Variants in DNAH5 observed in about 807,000 individuals in gnomAD.
DNAH5 encodes the protein axonemal beta dynein heavy chain 5.
In DNAH5, 372 loss-of-function variants were observed where a neutral mutation model predicts 518.2. The ratio of observed to expected loss-of-function variants is 0.72; its 90% CI spans 0.66 to 0.78. The LOEUF is 0.78. Among genes scored for constraint, DNAH5 ranks in the 30% least tolerant of loss-of-function variants. The pLI is 0.00. For synonymous variants in DNAH5, 2,039 were observed against 2,025.9 expected, an observed-to-expected ratio of 1.01 and a Z score of -0.17; for missense variants, 5,523 against 5,687.0, an observed-to-expected ratio of 0.97 and a Z score of 0.93.
chr5:13,740,741 A>G (rs1450249908), intron 65 of DNAH5, among the ~76,000 whole-genome samples: 1 of 151,434 alleles, frequency 6.6e-6, no homozygotes, highest in Non-Finnish European at 1.5e-5. Flanking sequence ...CAAATAACTC[A>G]CTCTCTTCCC....
intron 1 of DNAH5, among the ~76,000 whole-genome samples, chr5:13,980,536 C>T (rs1782600694): frequency 6.6e-6 from 1 of 152,122 alleles, no homozygotes; most frequent in Admixed American, 6.5e-5. Context: ...CTCTCATCCC[C>T]CTTCACTTCT....
rs1057517890 is a variant in DNAH5 at position 13,758,850 on chromosome 5, T to G, written c.10415A>C (p.Lys3472Thr). 1 of 1,614,172 alleles carries G rather than the reference T, an allele frequency of 6.2e-7. No homozygotes were observed. The change falls in exon 61 of 79, where the codon AAG becomes ACG. Residue 3472 changes from lysine (K) to threonine (T), a missense_variant. Transcript: ENST00000265104. Reference protein sequence around the residue: ...QAEYEQAMTEKQTLLEDAERC... With the variant: ...QAEYEQAMTETQTLLEDAERC... ...GCCATGACAAAGGGCAGTTACCTGC[T>G]TTTCAGTCATGGCCTGTTCATACTC...
intron 76 of DNAH5, among the ~76,000 whole-genome samples, chr5:13,701,913 T>C (rs1742172494): frequency 6.6e-6 from 1 of 152,194 alleles, no homozygotes; most frequent in South Asian, 2.1e-4. Context: ...TTAAAACAGA[T>C]CCCATGGATA....
At chr5:13,907,655 A>C (rs1775488401) in intron 12 of DNAH5, among the ~76,000 whole-genome samples, 1 of 152,204 alleles carries the variant, frequency 6.6e-6, no homozygotes, top group Non-Finnish European at 1.5e-5. Context: ...TTATACTATT[A>C]TGTAACTATG....
chr5:13,815,908 G>C (rs1248723404), intron 42 of DNAH5, among the ~76,000 whole-genome samples: 1 of 152,208 alleles, frequency 6.6e-6, no homozygotes, highest in East Asian at 1.9e-4. Flanking sequence ...TTCTAGATAA[G>C]TGTGGAGAGA....
rs903000675 is a variant in DNAH5, at chr5:13,892,430, A to G, written c.2432-1309T>C. On this transcript the variant is annotated intron_variant, in intron 16 of 78. Coordinates refer to ENST00000265104, the MANE Select transcript of DNAH5 (RefSeq NM_001369.3). ...AGATTATCTATACTCTCTTAAATGC[A>G]TGATGCAAATGACCACCTGTAAGTA... Among the ~76,000 whole-genome samples the G allele has an allele frequency of 2.0e-5, 3 of 152,346 alleles. 1 individual carries two copies. The highest frequency in any genetic ancestry group is 1.3e-4 in the Admixed American group (2 of 15,300).
In DNAH5 at chr5:13,735,228, G is replaced by C. The variant is rs754874486; in HGVS notation, c.11664C>G (p.Tyr3888Ter). 6.2e-7 allele frequency: 1 copy of C among 1,613,884 alleles called. No homozygotes were observed. The highest frequency in any genetic ancestry group is 1.3e-5 in the African/African-American group (1 of 74,898). ...AGGTGAACAGGAATTTGTGCTCCTC[G>C]TACAGCCCTCGGGCAGCATACTTAT... ...EVYKYAARGL[Y>*]EEHKFLFTLL... Residue 3888 changes from tyrosine to a stop codon, truncating the protein, a stop_gained, in exon 68 of 79, where the codon TAC becomes TAG. Coordinates refer to ENST00000265104, the MANE Select transcript of DNAH5 (RefSeq NM_001369.3). LOFTEE classifies it high-confidence loss of function.
At chr5:13,754,468 C>T in intron 61 of DNAH5, 130 bp from the exon 62 acceptor site, 1 of 1,032,586 alleles carries the variant, frequency 9.7e-7, no homozygotes, top group Non-Finnish European at 1.5e-6. Context: ...TCACAAGAAG[C>T]ATGAGATTCT....
At position 13,776,525 on chromosome 5, in the gene DNAH5, C is replaced by T. The variant is rs1388732051; in HGVS notation, c.9287G>A (p.Arg3096Gln). The T allele has an allele frequency of 2.1e-5, 34 of 1,613,742 alleles. No homozygotes were observed. Among genetic ancestry groups the T allele is most frequent in the Non-Finnish European group, 2.5e-5 (29 of 1,179,856 alleles). The change falls in exon 55 of 79, where the codon CGA becomes CAA. Residue 3096 changes from arginine (R) to glutamine (Q), a missense_variant. Physicochemically the swap from Arg to Gln is conservative, Grantham distance 43. Around this residue, in one of 3 missense-constraint regions of DNAH5, gnomAD observed 5,121 missense variants for 5,223.3 expected, o/e 0.98. Transcript: ENST00000265104. ...GGCAGGGAACTTCAAAGCTCTGTTTCGAAATTTCTCCCCCACTGGCGAGAA... is the reference window on the plus strand; with the variant it reads ...GGCAGGGAACTTCAAAGCTCTGTTTTGAAATTTCTCCCCCACTGGCGAGAA... ...LCFSPVGEKF[R>Q]NRALKFPALI...
In DNAH5 at chr5:13,738,917, G is replaced by A. The variant is rs145067980; in HGVS notation, c.11212-1422C>T. 8.3e-4 allele frequency among the ~76,000 whole-genome samples: 126 copies of A among 152,298 alleles called. 2 individuals are homozygous for A. The East Asian group carries it at 9.3e-3, about 11-fold the overall frequency. Reference sequence around the variant, plus strand: ...AGTTTATTTGAAGAGCTTCCTGGATGTGGAGTCCATTGACAATTTGCCTAT... The same window carrying A: ...AGTTTATTTGAAGAGCTTCCTGGATATGGAGTCCATTGACAATTTGCCTAT... On this transcript the variant is annotated intron_variant, in intron 65 of 78. Transcript: ENST00000265104.
At chr5:13,983,970 C>T (rs114226146) in intron 1 of DNAH5, among the ~76,000 whole-genome samples, 4,574 of 152,144 alleles carry the variant, frequency 0.03, 206 homozygotes, top group African/African-American at 0.1. Flanking sequence ...TTTTCAGTTA[C>T]GTTAGGTGGG....
intron 76 of DNAH5, among the ~76,000 whole-genome samples, chr5:13,703,062 G>A (rs544686907): frequency 6.6e-6 from 1 of 151,980 alleles, no homozygotes; most frequent in South Asian, 2.1e-4. Flanking sequence ...AGCATCTTTA[G>A]TGCCATGATC....
chr5:13,860,981 T>C (rs974951105), intron 29 of DNAH5, among the ~76,000 whole-genome samples: 15 of 152,186 alleles, frequency 9.9e-5, no homozygotes, highest in African/African-American at 3.6e-4. Context: ...TCACTAGAAA[T>C]ATAGGTCCAT....
chr5:13,894,912 T>C, intron 15 of DNAH5, 91 bp from the exon 16 acceptor site: 1 of 1,452,016 alleles, frequency 6.9e-7, no homozygotes, highest in Non-Finnish European at 9.6e-7. Context: ...ACTACTTTTA[T>C]TTAGGGTCAA....
At chr5:13,814,221 T>G (rs1761107399) in intron 43 of DNAH5, among the ~76,000 whole-genome samples, 1 of 152,212 alleles carries the variant, frequency 6.6e-6, no homozygotes, top group Non-Finnish European at 1.5e-5. Flanking sequence ...GACTCCAAGT[T>G]AATGTTCTAA....
At chr5:13,764,253 A>C (rs948372721) in intron 59 of DNAH5, among the ~76,000 whole-genome samples, 1 of 152,256 alleles carries the variant, frequency 6.6e-6, no homozygotes, top group African/African-American at 2.4e-5. Flanking sequence ...GAAAATATTA[A>C]GAAATTGGAC....
At chr5:13,981,669 T>C (rs757876036) in intron 1 of DNAH5, among the ~76,000 whole-genome samples, 1 of 152,322 alleles carries the variant, frequency 6.6e-6, no homozygotes, top group East Asian at 1.9e-4. Context: ...ATCCAGATGG[T>C]GGGGATGTCT....
chr5:13,971,284 T>A (rs1201172635), intron 1 of DNAH5, among the ~76,000 whole-genome samples: 1 of 152,214 alleles, frequency 6.6e-6, no homozygotes, highest in Admixed American at 6.5e-5. Flanking sequence ...ATTCAGTGAT[T>A]TCTTCTTGGT....
chr5:13,721,993 C>G (rs1171655287), intron 70 of DNAH5, among the ~76,000 whole-genome samples: 1 of 152,186 alleles, frequency 6.6e-6, no homozygotes, highest in African/African-American at 2.4e-5. Flanking sequence ...TAAATTCCCT[C>G]AAAAACATTT....
Sources: gnomAD v4.1 joint callset for allele counts (sites outside exome capture counted in the v4.1 genomes callset) on GRCh38, gnomAD v4.1.1 for gene constraint, gnomAD v4.1.1 regional missense constraint, MANE v1.5 for transcripts, NCBI Gene and HGNC (gene_info 2026-07-23, HGNC 2026-07-21) for gene names.